The following PGAP1 variants were observed in gnomAD, a reference collection of about 807,000 sequenced individuals.
PGAP1 encodes post-GPI attachment to proteins inositol deacylase 1, also known as GPI inositol-deacylase.
A neutral mutation model predicts 127.0 loss-of-function variants in PGAP1; 76 were observed. That is an observed-to-expected ratio of 0.60 (90% CI 0.50 to 0.72). The LOEUF (loss-of-function observed/expected upper bound fraction) is 0.72, where lower values mean the gene tolerates loss of function less well. PGAP1 is among the 30% of genes least tolerant of loss of function. PGAP1 has a pLI of 0.00. For missense variants in PGAP1, 982 were observed against 1,071.3 expected (o/e 0.92, Z 1.16); for synonymous variants, 362 against 366.5 (o/e 0.99, Z 0.14).
intron 20 of PGAP1, among the ~76,000 whole-genome samples, chr2:196,861,001 T>C (rs138101958): frequency 4.3e-4 from 65 of 152,106 alleles, no homozygotes; most frequent in South Asian, 1.2e-3. Context: ...CATAAGCCAA[T>C]AGAACATAAT....
intron 7 of PGAP1, among the ~76,000 whole-genome samples, chr2:196,894,286 T>C (rs1702195468): frequency 6.6e-6 from 1 of 152,206 alleles, no homozygotes; most frequent in South Asian, 2.1e-4. Context: ...TCTGATTGCC[T>C]CCCCTGGATA....
chr2:196,872,208 T>C (rs1163600171), intron 18 of PGAP1, among the ~76,000 whole-genome samples: 2 of 152,204 alleles, frequency 1.3e-5, no homozygotes, highest in African/African-American at 2.4e-5. Context: ...AGTCTCATTT[T>C]TTTGCTTTAT....
chr2:196,911,708 A>G (rs953410098), intron 4 of PGAP1, among the ~76,000 whole-genome samples: 2 of 150,798 alleles, frequency 1.3e-5, no homozygotes, highest in African/African-American at 4.9e-5. Context: ...CTTTCTAAAG[A>G]TTTTCATCTA....
intron 20 of PGAP1, among the ~76,000 whole-genome samples, chr2:196,848,351 T>C (rs1700617902): frequency 6.6e-6 from 1 of 152,212 alleles, no homozygotes; most frequent in African/African-American, 2.4e-5. Context: ...ATAATTCTTC[T>C]ATTTAAACAT....
chr2:196,895,252 T>C (rs1291278419), intron 7 of PGAP1, among the ~76,000 whole-genome samples: 1 of 152,230 alleles, frequency 6.6e-6, no homozygotes, highest in African/African-American at 2.4e-5. Context: ...TCTTTTCTCA[T>C]CTTACAAGTT....
intron 7 of PGAP1, among the ~76,000 whole-genome samples, 178 bp from the exon 8 acceptor site, chr2:196,893,423 G>A (rs1217654860): frequency 2.0e-5 from 3 of 152,202 alleles, no homozygotes; most frequent in South Asian, 2.1e-4. Flanking sequence ...TAATGATTTC[G>A]CCTGCATTTG....
chr2:196,893,177 A>G lies in PGAP1; in HGVS notation c.996T>C (p.His332=), dbSNP rs774524486. The G allele has an allele frequency of 3.8e-6, 6 of 1,598,740 alleles. No homozygotes were observed. The highest frequency in any genetic ancestry group is 5.1e-6 in the Non-Finnish European group (6 of 1,170,506). The part of the protein sequence containing the change: ...YHHFIRHPSK[H]FEENPAIISD... Reference sequence around the variant, plus strand: ...AAATTATAGCTGGATTTTCCTCAAAATGTTTTGATGGGTGTCTTATAAAGT... The same window carrying G: ...AAATTATAGCTGGATTTTCCTCAAAGTGTTTTGATGGGTGTCTTATAAAGT... The change falls in exon 8 of 27, where the codon CAT becomes CAC. Residue 332 remains histidine (H), a synonymous_variant. Transcript: ENST00000354764.
At chr2:196,892,191 C>T (rs1046257139) in intron 9 of PGAP1, among the ~76,000 whole-genome samples, 155 bp downstream of exon 9, 2 of 151,798 alleles carry the variant, frequency 1.3e-5, no homozygotes, top group African/African-American at 4.8e-5. Context: ...TATGATAAAA[C>T]TGATTACTGA....
chr2:196,869,975 G>T (rs908824942), intron 19 of PGAP1, among the ~76,000 whole-genome samples: 2 of 152,146 alleles, frequency 1.3e-5, no homozygotes, highest in African/African-American at 4.8e-5. Flanking sequence ...ATACAAATTT[G>T]ACTGAATATT....
At position 196,834,898 on chromosome 2, in the gene PGAP1, C is replaced by G. The variant is rs1700197638; in HGVS notation, c.*6336G>C. On this transcript the variant is annotated 3_prime_UTR_variant, in exon 27 of 27. Transcript: ENST00000354764. ...TTTTTACTAATAACACCTATGGTCCCCATTAGAATAAACTGTCACTAAATC... is the reference window on the plus strand; with the variant it reads ...TTTTTACTAATAACACCTATGGTCCGCATTAGAATAAACTGTCACTAAATC... 6.6e-6 allele frequency: 1 copy of G among 151,914 alleles called. No homozygotes were observed. The highest frequency in any genetic ancestry group is 1.5e-5 in the Non-Finnish European group (1 of 67,854). The allele number at this position is 151,914 out of a possible 1,614,324, so 9.4% of individuals were successfully genotyped here.
At position 196,892,382 on chromosome 2, in the gene PGAP1, T is replaced by C; in HGVS notation, c.1053A>G (p.Leu351=). 1 of 1,489,264 alleles carries C rather than the reference T, an allele frequency of 6.7e-7. No individual in the cohort carries two copies. Among genetic ancestry groups the C allele is most frequent in the South Asian group, 1.2e-5 (1 of 82,184 alleles). 92.3% of individuals were successfully genotyped at this position (1,489,264 alleles called of 1,614,324 possible). ...SDLTGTSMWV[L]VKVSKWTYVA... ...CATAGGTCCATTTGGACACTTTTAC[T>C]AGAACCCACATAGATGTCCCTGAAG... The change falls in exon 9 of 27, where the codon CTA becomes CTG. Residue 351 remains leucine (L), a synonymous_variant. Coordinates refer to ENST00000354764, the MANE Select transcript of PGAP1 (RefSeq NM_024989.4).
chr2:196,922,986 C>T (rs1266926159), intron 1 of PGAP1, among the ~76,000 whole-genome samples: 1 of 151,768 alleles, frequency 6.6e-6, no homozygotes, highest in Non-Finnish European at 1.5e-5. Flanking sequence ...CACCTCATCC[C>T]GCCCTTACCT....
rs377474125 is a variant in PGAP1 at position 196,865,597 on chromosome 2, T to C, written c.1768-517A>G. On this transcript the variant is annotated intron_variant, in intron 19 of 26. Transcript: ENST00000354764. ...TATAGGTAGTTATTAGGATTAGACA[T>C]GCATATTTGTGTAAGGCATTCAGAA... 5.9e-5 allele frequency among the ~76,000 whole-genome samples: 9 copies of C among 152,296 alleles called. No individual in the cohort carries two copies. In the East Asian group the frequency reaches 1.3e-3, roughly 23 times the overall value.
chr2:196,872,482 C>T lies in PGAP1; in HGVS notation c.1687G>A (p.Ala563Thr). Residue 563 changes from alanine (A) to threonine (T), a missense_variant, in exon 18 of 27, where the codon GCA becomes ACA. Transcript: ENST00000354764. ...IAQPENNTHV[A>T]LFKMYTSSDC... Reference sequence around the variant, plus strand: ...GATGACGTGTACATTTTAAATAATGCCACATGGGTATTGTTTTCTGGTTGA... The same window carrying T: ...GATGACGTGTACATTTTAAATAATGTCACATGGGTATTGTTTTCTGGTTGA... 6.2e-7 allele frequency: 1 copy of T among 1,613,130 alleles called. No individual in the cohort carries two copies. Among genetic ancestry groups the T allele is most frequent in the Non-Finnish European group, 8.5e-7 (1 of 1,179,156 alleles).
intron 14 of PGAP1, 86 bp from the exon 15 acceptor site, chr2:196,873,844 G>C: frequency 1.1e-6 from 1 of 887,678 alleles, no homozygotes; most frequent in East Asian, 2.5e-5. Flanking sequence ...TTAAGACAAT[G>C]CCAATAATTA....
intron 19 of PGAP1, among the ~76,000 whole-genome samples, chr2:196,870,413 C>G (rs138424525): frequency 2.4e-3 from 368 of 151,772 alleles, no homozygotes; most frequent in Non-Finnish European, 4.6e-3. Flanking sequence ...TCTCATGCCT[C>G]AGCCTCTTGA....
intron 3 of PGAP1, among the ~76,000 whole-genome samples, chr2:196,913,758 C>T (rs1702913003): frequency 1.3e-5 from 2 of 152,228 alleles, no homozygotes; most frequent in African/African-American, 4.8e-5. Flanking sequence ...CCTGAGACTG[C>T]TGTCCTTGGC....
intron 1 of PGAP1, among the ~76,000 whole-genome samples, chr2:196,920,981 A>T (rs1209191479): frequency 1.3e-5 from 2 of 152,006 alleles, no homozygotes. Flanking sequence ...GTATACATAC[A>T]CCCTTTTGCT....
chr2:196,864,431 T>C (rs1408200947), intron 20 of PGAP1, among the ~76,000 whole-genome samples: 1 of 150,964 alleles, frequency 6.6e-6, no homozygotes, highest in East Asian at 1.9e-4. Flanking sequence ...TTGATAATAT[T>C]AGGGCACTAT....
Sources: allele counts gnomAD v4.1 joint callset (sites outside exome capture counted in the v4.1 genomes callset), GRCh38; gene constraint gnomAD v4.1.1; transcripts MANE v1.5; gene names NCBI Gene and HGNC (gene_info 2026-07-23, HGNC 2026-07-21).